TENM3: variants seen among roughly 807,000 people sequenced by gnomAD.
TENM3 encodes the protein teneurin-3.
In TENM3, 63 loss-of-function variants were observed where a neutral mutation model predicts 255.1. That is an observed-to-expected ratio of 0.25 (90% CI 0.20 to 0.30). The LOEUF is 0.30. Among genes scored for constraint, TENM3 ranks in the 10% least tolerant of loss-of-function variants. The probability of loss-of-function intolerance (pLI) is 1.00; values close to 1 mark genes in which losing one functional copy is unlikely to be tolerated. For missense variants in TENM3, 2,929 were observed against 3,461.1 expected (o/e 0.85, Z 3.86); for synonymous variants, 1,306 against 1,322.3 (o/e 0.99, Z 0.27).
chr4:181,895,659 A>C, the TENM3 span, among the ~76,000 whole-genome samples: 2 of 146,332 alleles, frequency 1.4e-5, no homozygotes, highest in Non-Finnish European at 3.0e-5. Context: ...ATCCTCCCTT[A>C]CCAGCCTCCT....
chr4:182,325,251 A>G (rs772585405), intron 2 of TENM3, among the ~76,000 whole-genome samples: 2 of 152,244 alleles, frequency 1.3e-5, no homozygotes, highest in African/African-American at 4.8e-5. Context: ...GCAGGAACAC[A>G]TTTAAGAAAA....
At chr4:182,774,825 A>G in intron 23 of TENM3, 93 bp from the exon 24 acceptor site, 2 of 849,502 alleles carry the variant, frequency 2.4e-6, no homozygotes, top group Non-Finnish European at 3.7e-6. Flanking sequence ...TTCCTAGTCA[A>G]CTTTTAGAAA....
At chr4:181,700,794 C>G in the TENM3 span, among the ~76,000 whole-genome samples, 1 of 152,170 alleles carries the variant, frequency 6.6e-6, no homozygotes, top group Non-Finnish European at 1.5e-5. Context: ...AGAAAGGTAT[C>G]AGGACTTCCC....
At chr4:181,539,042 A>C in the TENM3 span, among the ~76,000 whole-genome samples, 74 of 152,318 alleles carry the variant, frequency 4.9e-4, 1 homozygote, top group South Asian at 0.012. Context: ...ATAGGCTAAA[A>C]TCCAACACTT....
chr4:182,735,297 C>G (rs1761077202), intron 16 of TENM3, among the ~76,000 whole-genome samples: 1 of 152,094 alleles, frequency 6.6e-6, no homozygotes, highest in South Asian at 2.1e-4. Flanking sequence ...TGTACTGTAC[C>G]ACATCGCGTC....
chr4:181,839,293 T>G, the TENM3 span, among the ~76,000 whole-genome samples: 1 of 146,064 alleles, frequency 6.8e-6, no homozygotes, highest in Non-Finnish European at 1.5e-5. Flanking sequence ...TTGTTAGCTT[T>G]TATATCTTCT....
At chr4:181,541,419 A>G in the TENM3 span, among the ~76,000 whole-genome samples, 322 of 152,098 alleles carry the variant, frequency 2.1e-3, no homozygotes, top group African/African-American at 7.4e-3. Flanking sequence ...ATCTAGAACA[A>G]TTGAGCAGCT....
the TENM3 span, among the ~76,000 whole-genome samples, chr4:181,998,302 C>A: frequency 6.6e-6 from 1 of 152,110 alleles, no homozygotes; most frequent in Non-Finnish European, 1.5e-5. Context: ...ACCATGCCCA[C>A]AAGGAGTATT....
At chr4:181,506,983 G>A in the TENM3 span, among the ~76,000 whole-genome samples, 1 of 152,168 alleles carries the variant, frequency 6.6e-6, no homozygotes, top group Non-Finnish European at 1.5e-5. Flanking sequence ...GCATGGAGCT[G>A]TGGGAACTAG....
rs1766779478 is a variant in TENM3, at chr4:182,799,789, T to C, written c.7538T>C (p.Val2513Ala). 1 of 1,601,804 alleles carries C rather than the reference T, an allele frequency of 6.2e-7. No individual in the cohort carries two copies. The highest frequency in any genetic ancestry group is 8.5e-7 in the Non-Finnish European group (1 of 1,174,714). ...AVSQGRVQTN[V>A]LNIANEDCIK... is the part of the protein sequence containing the mutation. ...AGCCAGGGCCGCGTGCAGACCAACG[T>C]GCTCAACATCGCCAACGAGGACTGC... The change falls in exon 28 of 28, where the codon GTG (valine) becomes GCG (alanine). Residue 2513 changes from valine (V) to alanine (A), a missense_variant. Coordinates refer to ENST00000511685, the MANE Select transcript of TENM3 (RefSeq NM_001080477.4). The surrounding 1 kb of genome is among the most constrained non-coding windows in gnomAD (Gnocchi z 4.2).
the TENM3 span, among the ~76,000 whole-genome samples, chr4:181,928,927 C>T: frequency 6.6e-6 from 1 of 152,120 alleles, no homozygotes; most frequent in East Asian, 1.9e-4. Flanking sequence ...TCCAGTGAAA[C>T]TAAACTTCAT....
intron 1 of TENM3, among the ~76,000 whole-genome samples, chr4:182,289,865 G>A (rs1200412329): frequency 2.0e-5 from 3 of 152,020 alleles, no homozygotes; most frequent in Admixed American, 6.6e-5. Context: ...CTTCAGTGTC[G>A]GGTTGCCCGC....
At chr4:182,264,872 A>G (rs983490263) in intron 1 of TENM3, among the ~76,000 whole-genome samples, 4 of 152,102 alleles carry the variant, frequency 2.6e-5, no homozygotes, top group Admixed American at 2.0e-4. Flanking sequence ...AGCTATAAAT[A>G]TATTTAAAAG....
At chr4:182,671,904 C>T (rs1368933267) in intron 6 of TENM3, among the ~76,000 whole-genome samples, 4 of 151,886 alleles carry the variant, frequency 2.6e-5, no homozygotes, top group South Asian at 2.1e-4. Context: ...TTTTAAGAGA[C>T]GAGGTCTCAC....
At chr4:182,242,314 T>C (rs1337387248), upstream of TENM3, among the ~76,000 whole-genome samples, 1 of 152,106 alleles carries the variant, frequency 6.6e-6, no homozygotes, top group Admixed American at 6.6e-5. Flanking sequence ...CGGTGTTTGT[T>C]TTTTTTTCCT....
At chr4:182,388,228 A>G (rs550842656) in intron 3 of TENM3, among the ~76,000 whole-genome samples, 14 of 152,212 alleles carry the variant, frequency 9.2e-5, no homozygotes, top group African/African-American at 3.4e-4. Flanking sequence ...ACCAGGAACT[A>G]CTTCCCACCT....
chr4:181,508,969 G>A, the TENM3 span, among the ~76,000 whole-genome samples: 2 of 129,536 alleles, frequency 1.5e-5, no homozygotes, highest in Non-Finnish European at 3.1e-5. Context: ...ACAAAATTGA[G>A]CAGCACGTAC....
chr4:182,726,836 TTGTC>T (rs1269997729), intron 13 of TENM3, among the ~76,000 whole-genome samples: 2 of 152,210 alleles, frequency 1.3e-5, no homozygotes, highest in Admixed American at 6.5e-5. Context: ...TAATTCAACT[TTGTC>T]TGTTTTCTTT....
At chr4:181,473,290 T>C in the TENM3 span, among the ~76,000 whole-genome samples, 6 of 152,232 alleles carry the variant, frequency 3.9e-5, no homozygotes, top group East Asian at 1.2e-3. Flanking sequence ...AACTGTTAAA[T>C]AAGAAATCCA....
Sources: allele counts gnomAD v4.1 joint callset (sites outside exome capture counted in the v4.1 genomes callset), GRCh38; gene constraint gnomAD v4.1.1; non-coding constraint Gnocchi (gnomAD v3.1); transcripts MANE v1.5; gene names NCBI Gene and HGNC (gene_info 2026-07-23, HGNC 2026-07-21).